The following ELMO1 variants were observed in gnomAD, a reference collection of about 807,000 sequenced individuals.
ELMO1 encodes engulfment and cell motility 1.
In ELMO1, 26 loss-of-function variants were observed where a neutral mutation model predicts 98.9. The observed-to-expected ratio is 0.26, with a 90% CI of 0.19 to 0.36. The LOEUF is 0.36. Among genes scored for constraint, ELMO1 ranks in the 10% least tolerant of loss-of-function variants. The probability of loss-of-function intolerance (pLI) is 1.00; values close to 1 mark genes in which losing one functional copy is unlikely to be tolerated. For missense variants in ELMO1, 627 were observed against 935.2 expected (o/e 0.67, Z 4.30); for synonymous variants, 346 against 346.0 (o/e 1.00, Z 0.00).
At chr7:36,974,637 G>T (rs913639028) in intron 16 of ELMO1, among the ~76,000 whole-genome samples, 2 of 152,074 alleles carry the variant, frequency 1.3e-5, no homozygotes, top group Non-Finnish European at 2.9e-5. Flanking sequence ...CAATCAGCAG[G>T]ACATGGGTGG....
intron 16 of ELMO1, among the ~76,000 whole-genome samples, chr7:36,937,707 T>A (rs1164928017): frequency 6.6e-6 from 1 of 152,252 alleles, no homozygotes; most frequent in African/African-American, 2.4e-5. Flanking sequence ...TGTATGCTAC[T>A]GCTAATAGTC....
At chr7:37,408,279 C>T (rs1389217631) in intron 1 of ELMO1, among the ~76,000 whole-genome samples, 5 of 152,106 alleles carry the variant, frequency 3.3e-5, no homozygotes, top group Non-Finnish European at 5.9e-5. Flanking sequence ...AAGTTGAAAC[C>T]CCCAGGAAGA....
intron 6 of ELMO1, among the ~76,000 whole-genome samples, chr7:37,254,169 T>G (rs1431946399): frequency 6.6e-6 from 1 of 152,136 alleles, no homozygotes; most frequent in African/African-American, 2.4e-5. Flanking sequence ...AGTCCCTCCT[T>G]CCTCCATCCC....
chr7:37,050,803 C>G (rs1350519788), intron 15 of ELMO1, among the ~76,000 whole-genome samples: 1 of 145,172 alleles, frequency 6.9e-6, no homozygotes. Flanking sequence ...GATGTAGAAG[C>G]CAAGTTCAAA....
At chr7:37,114,829 T>C (rs1485300609) in intron 14 of ELMO1, among the ~76,000 whole-genome samples, 1 of 152,066 alleles carries the variant, frequency 6.6e-6, no homozygotes, top group African/African-American at 2.4e-5. Flanking sequence ...AAAAGCTAGT[T>C]TTTTGAAAAG....
intron 1 of ELMO1, among the ~76,000 whole-genome samples, chr7:37,357,700 A>G (rs1393382280): frequency 2.0e-5 from 3 of 152,184 alleles, no homozygotes; most frequent in Non-Finnish European, 4.4e-5. Context: ...AACTCCCTGG[A>G]TTTTATGATA....
At chr7:36,969,261 A>G (rs187750915) in intron 16 of ELMO1, among the ~76,000 whole-genome samples, 16 of 152,216 alleles carry the variant, frequency 1.1e-4, no homozygotes, top group Admixed American at 3.9e-4. Context: ...TTCAATATGT[A>G]CCTATTAGTT....
chr7:36,948,744 C>T (rs1360741237), intron 16 of ELMO1, among the ~76,000 whole-genome samples: 1 of 152,218 alleles, frequency 6.6e-6, no homozygotes, highest in Admixed American at 6.5e-5. Context: ...AATCCATGCT[C>T]TTAACCACCT....
intron 16 of ELMO1, among the ~76,000 whole-genome samples, chr7:36,897,336 G>GTGTGTGTTTGTGTGTGTGTGTA: frequency 6.7e-6 from 1 of 148,212 alleles, no homozygotes; most frequent in Non-Finnish European, 1.5e-5. Flanking sequence ...GTGTGTGTGT[G>GTGTGTGTTTGTGTGTGTGTGTA]TGTGTGTGTG....
intron 16 of ELMO1, among the ~76,000 whole-genome samples, chr7:36,924,150 C>A (rs921009876): frequency 6.6e-6 from 1 of 152,198 alleles, no homozygotes; most frequent in Non-Finnish European, 1.5e-5. Context: ...CTTCCAAAGT[C>A]TAAATTTAGA....
chr7:37,015,523 T>A (rs976941038), intron 15 of ELMO1, among the ~76,000 whole-genome samples: 1 of 151,944 alleles, frequency 6.6e-6, no homozygotes, highest in Non-Finnish European at 1.5e-5. Context: ...ATCGCTTGAA[T>A]CCAGGAGCTG....
chr7:36,892,174 A>T (rs1183160403), intron 17 of ELMO1, among the ~76,000 whole-genome samples: 1 of 152,222 alleles, frequency 6.6e-6, no homozygotes, highest in East Asian at 1.9e-4. Context: ...AGTGGTCTGC[A>T]TGGAGCTGAG....
intron 14 of ELMO1, among the ~76,000 whole-genome samples, chr7:37,104,365 A>T (rs1784826984): frequency 6.6e-6 from 1 of 152,058 alleles, no homozygotes; most frequent in South Asian, 2.1e-4. Flanking sequence ...TCACCTGGAG[A>T]ACATACTGAA....
chr7:37,411,500 T>A (rs1443226030), intron 1 of ELMO1, among the ~76,000 whole-genome samples: 5 of 152,204 alleles, frequency 3.3e-5, no homozygotes, highest in Admixed American at 6.5e-5. Flanking sequence ...TATTGCCCTT[T>A]AAGTGTGCTA....
intron 4 of ELMO1, among the ~76,000 whole-genome samples, chr7:37,289,320 ATATT>A (rs1409726533): frequency 1.3e-5 from 2 of 152,158 alleles, no homozygotes; most frequent in Non-Finnish European, 2.9e-5. Flanking sequence ...CAACGAGTGG[ATATT>A]TATTTCATAC....
In ELMO1 at chr7:37,089,357, T is replaced by A. The variant is rs185895868; in HGVS notation, c.1300+7262A>T. ...TGTAGGTTTCTTTCTTGCTTTTTTT[T>A]AAAAAAAAACCCAGAGCAGTAGTAT... On this transcript the variant is annotated intron_variant, in intron 15 of 21. Transcript: ENST00000310758. Among the ~76,000 whole-genome samples the A allele has an allele frequency of 8.6e-3, 1,303 of 151,526 alleles. 4 individuals are homozygous for A. The highest frequency in any genetic ancestry group is 0.017 in the Middle Eastern group (5 of 290).
At chr7:37,289,690 A>T (rs900990606) in intron 4 of ELMO1, among the ~76,000 whole-genome samples, 1 of 152,202 alleles carries the variant, frequency 6.6e-6, no homozygotes, top group African/African-American at 2.4e-5. Flanking sequence ...GGAAGCAAAC[A>T]ACCCAGCAGC....
intron 16 of ELMO1, among the ~76,000 whole-genome samples, chr7:37,004,642 T>C (rs1375776292): frequency 6.6e-6 from 1 of 152,232 alleles, no homozygotes; most frequent in Non-Finnish European, 1.5e-5. Context: ...CCAAGAAGTA[T>C]ATTTACTACT....
At chr7:37,361,677 A>T (rs1270344323) in intron 1 of ELMO1, among the ~76,000 whole-genome samples, 1 of 152,364 alleles carries the variant, frequency 6.6e-6, no homozygotes, top group East Asian at 1.9e-4. Context: ...ATAGCATGTC[A>T]TCCGGGCACA....
Sources: allele counts gnomAD v4.1 joint callset (sites outside exome capture counted in the v4.1 genomes callset), GRCh38; gene constraint gnomAD v4.1.1; transcripts MANE v1.5; gene names NCBI Gene and HGNC (gene_info 2026-07-23, HGNC 2026-07-21).